Variants in SPTLC1 observed in about 807,000 individuals in gnomAD.
SPTLC1 encodes serine palmitoyltransferase long chain base subunit 1.
Under a neutral mutation model 68.9 loss-of-function variants are expected in SPTLC1, and 55 were observed. The ratio of observed to expected loss-of-function variants is 0.80; its 90% CI spans 0.64 to 1.00. The LOEUF is 1.00. Among genes scored for constraint, SPTLC1 ranks in the 50% least tolerant of loss-of-function variants. SPTLC1 has a pLI of 0.00. For missense variants in SPTLC1, 449 were observed against 573.1 expected (o/e 0.78, Z 2.21); for synonymous variants, 197 against 201.6 (o/e 0.98, Z 0.19).
intron 6 of SPTLC1, among the ~76,000 whole-genome samples, chr9:92,062,971 A>G (rs889623082): frequency 3.9e-5 from 6 of 152,232 alleles, no homozygotes; most frequent in Non-Finnish European, 1.5e-5. Flanking sequence ...CTCCAAATCA[A>G]GAAAAAGAAC....
chr9:92,084,164 A>G (rs1437995965), intron 3 of SPTLC1, among the ~76,000 whole-genome samples: 3 of 151,238 alleles, frequency 2.0e-5, no homozygotes, highest in Non-Finnish European at 4.4e-5. Flanking sequence ...GGTTTTCTAG[A>G]TATACAATCA....
At chr9:92,042,324 A>G (rs1269270740) in intron 12 of SPTLC1, among the ~76,000 whole-genome samples, 2 of 152,238 alleles carry the variant, frequency 1.3e-5, no homozygotes, top group African/African-American at 2.4e-5. Flanking sequence ...GGAAGGAAAG[A>G]GAGAACACCA....
chr9:92,049,961 T>C lies in SPTLC1; in HGVS notation c.887A>G (p.Asn296Ser), dbSNP rs1833652265. The C allele has an allele frequency of 3.8e-6, 6 of 1,599,714 alleles. No individual in the cohort carries two copies. Among genetic ancestry groups the C allele is most frequent in the Non-Finnish European group, 5.1e-6 (6 of 1,166,738 alleles). The change falls in exon 9 of 15, where the codon AAT (asparagine) becomes AGT (serine). Residue 296 changes from asparagine (N) to serine (S), a missense_variant and splice_region_variant. Physicochemically the swap from Asn to Ser is conservative, Grantham distance 46 (BLOSUM62 1). Transcript: ENST00000262554. ...CGTTCTTAAAAAAGGGGAACTTACATTGATTCCATAGTGTTCAGTGACTCC... is the reference window on the plus strand; with the variant it reads ...CGTTCTTAAAAAAGGGGAACTTACACTGATTCCATAGTGTTCAGTGACTCC... ...GRGVTEHYGI[N>S]IDDIDLISAN... is the part of the protein sequence containing the mutation.
chr9:92,111,203 G>A (rs1160897519), intron 2 of SPTLC1: 1 of 152,054 alleles, frequency 6.6e-6, no homozygotes, highest in Non-Finnish European at 1.5e-5. Flanking sequence ...CACAGAACTA[G>A]TCATACTTTA....
At chr9:92,110,016 T>C (rs1351403185) in intron 2 of SPTLC1, 1 of 152,216 alleles carries the variant, frequency 6.6e-6, no homozygotes, top group Non-Finnish European at 1.5e-5. Flanking sequence ...CATTTTGGCT[T>C]TAAAGACGCC....
Position 92,068,152 on chromosome 9 carries a change from T to C in SPTLC1, c.428-54A>G, listed in dbSNP as rs193068707. 1.5e-3 allele frequency: 2,234 copies of C among 1,537,514 alleles called. 6 individuals carry two copies. The highest frequency in any genetic ancestry group is 1.3e-3 in the Non-Finnish European group (1,407 of 1,120,856). ...AAACTGCCTTATAATTCTTTTTCTC[T>C]ACTAAAGAACAAATAAAAGAACACA... On this transcript the variant is annotated intron_variant, in intron 5 of 14. Coordinates refer to ENST00000262554, the MANE Select transcript of SPTLC1 (RefSeq NM_006415.4).
intron 14 of SPTLC1, 35 bp from the exon 15 acceptor site, chr9:92,032,593 G>C (rs746110342): frequency 6.2e-7 from 1 of 1,612,916 alleles, no homozygotes; most frequent in African/African-American, 1.3e-5. Flanking sequence ...AATTATCTTT[G>C]TGGGCCAGGC....
rs1365931816 is a variant in SPTLC1, at chr9:92,108,817, A to C, written c.183T>G (p.Ile61Met). ...DLTVKEKEELIEEWQPEPLVP... is the reference protein window; with the variant it reads ...DLTVKEKEELMEEWQPEPLVP... Reference sequence around the variant, plus strand: ...CAAGAGGTTCTGGTTGCCACTCTTCAATCAGTTCTTCTTTTTCCTACAGGA... The same window carrying C: ...CAAGAGGTTCTGGTTGCCACTCTTCCATCAGTTCTTCTTTTTCCTACAGGA... Residue 61 changes from isoleucine (I) to methionine (M), a missense_variant, in exon 3 of 15, where the codon ATT becomes ATG. Transcript: ENST00000262554. 6.2e-7 allele frequency: 1 copy of C among 1,601,516 alleles called. No homozygotes were observed. The highest frequency in any genetic ancestry group is 8.5e-7 in the Non-Finnish European group (1 of 1,172,542).
At chr9:92,114,747 A>C (rs1032631626) in intron 1 of SPTLC1, among the ~76,000 whole-genome samples, 3 of 145,594 alleles carry the variant, frequency 2.1e-5, no homozygotes, top group Non-Finnish European at 4.6e-5. Flanking sequence ...AAAAAAAAAA[A>C]CAAAAATAAA....
chr9:92,108,617 T>G, intron 3 of SPTLC1, 123 bp downstream of exon 3: 1 of 1,409,514 alleles, frequency 7.1e-7, no homozygotes, highest in South Asian at 1.2e-5. Context: ...AAGCTGTTAC[T>G]CCTGGGAACT....
chr9:92,059,330 C>T (rs773593300), intron 6 of SPTLC1, 22 bp from the exon 7 acceptor site: 14 of 1,612,706 alleles, frequency 8.7e-6, no homozygotes, highest in Middle Eastern at 1.6e-4. Context: ...AGAGATCCAC[C>T]AAATTGGGTT....
chr9:92,045,543 A>AACCAAAAACAAAC (rs1833484274), intron 12 of SPTLC1, among the ~76,000 whole-genome samples: 2 of 147,966 alleles, frequency 1.4e-5, no homozygotes, highest in African/African-American at 5.1e-5. Context: ...AAAAAAAAAA[A>AACCAAAAACAAAC]AAAAAAAAAC....
chr9:92,043,800 T>G (rs956169468), intron 12 of SPTLC1, among the ~76,000 whole-genome samples: 3 of 152,172 alleles, frequency 2.0e-5, no homozygotes, highest in Admixed American at 1.3e-4. Context: ...CAAAAGTAAT[T>G]TTGCTAGGGT....
chr9:92,108,060 T>C (rs1196672999), intron 3 of SPTLC1: 5 of 152,308 alleles, frequency 3.3e-5, no homozygotes, highest in Non-Finnish European at 5.9e-5. Flanking sequence ...ATTTGTAATA[T>C]TGTATTTACC....
intron 12 of SPTLC1, among the ~76,000 whole-genome samples, chr9:92,039,202 G>T (rs1833255515): frequency 1.3e-5 from 2 of 152,118 alleles, no homozygotes; most frequent in South Asian, 4.1e-4. Context: ...ACAGCAATAT[G>T]TTTAGATAGA....
chr9:92,053,862 G>A (rs1833792861), intron 8 of SPTLC1: 2 of 729,976 alleles, frequency 2.7e-6, no homozygotes, highest in South Asian at 1.2e-4. Flanking sequence ...CATGGTAAAT[G>A]TAATAAATGT....
chr9:92,106,390 C>T (rs1232018946), intron 3 of SPTLC1, among the ~76,000 whole-genome samples: 1 of 149,986 alleles, frequency 6.7e-6, no homozygotes, highest in African/African-American at 2.5e-5. Context: ...AGGAGAATGG[C>T]TTGAACCCAG....
intron 2 of SPTLC1, 26 bp downstream of exon 2, chr9:92,112,429 A>G (rs1326075386): frequency 1.3e-6 from 2 of 1,502,610 alleles, no homozygotes; most frequent in African/African-American, 1.4e-5. Flanking sequence ...ATACCCAATA[A>G]TTAAAACAGA....
At chr9:92,095,292 G>C (rs2118760430) in intron 3 of SPTLC1, among the ~76,000 whole-genome samples, 1 of 152,240 alleles carries the variant, frequency 6.6e-6, no homozygotes, top group Non-Finnish European at 1.5e-5. Context: ...ACTATCTCAG[G>C]GGACCATAGA....
Sources: gnomAD v4.1 joint callset for allele counts (sites outside exome capture counted in the v4.1 genomes callset) on GRCh38, gnomAD v4.1.1 for gene constraint, MANE v1.5 for transcripts, NCBI Gene and HGNC (gene_info 2026-07-23, HGNC 2026-07-21) for gene names.